SRGAP2B: variants seen among roughly 807,000 people sequenced by gnomAD.
SRGAP2B encodes SLIT-ROBO Rho GTPase-activating protein 2B.
In SRGAP2B, 9 loss-of-function variants were observed where a neutral mutation model predicts 22.2. That is an observed-to-expected ratio of 0.41 (90% CI 0.24 to 0.71). SRGAP2B has a LOEUF of 0.71. SRGAP2B is among the 30% of genes least tolerant of loss of function. SRGAP2B has a pLI of 0.35. For missense variants in SRGAP2B, 114 were observed against 235.8 expected, an observed-to-expected ratio of 0.48 and a Z score of 3.38; for synonymous variants, 36 against 87.4, an observed-to-expected ratio of 0.41 and a Z score of 3.28.
intron 3 of SRGAP2B, chr1:144,965,220 G>T (rs1553611990): frequency 1.2e-6 from 1 of 806,860 alleles, no homozygotes; most frequent in African/African-American, 1.8e-5. Context: ...CGACACAGAA[G>T]ACGGGTGATT....
chr1:144,930,876 A>G (rs1393600925), intron 4 of SRGAP2B, among the ~76,000 whole-genome samples: 2 of 149,688 alleles, frequency 1.3e-5, no homozygotes, highest in Non-Finnish European at 2.9e-5. Flanking sequence ...CAGAAATAGC[A>G]GCAATATTTT....
intron 2 of SRGAP2B, among the ~76,000 whole-genome samples, chr1:145,047,165 G>C (rs1405912629): frequency 4.8e-5 from 5 of 103,824 alleles, no homozygotes; most frequent in Admixed American, 2.3e-4. Context: ...AACAGAGCAA[G>C]ACTCTGTCTC....
chr1:145,029,960 ATAT>A (rs1317465943), intron 2 of SRGAP2B, among the ~76,000 whole-genome samples: 6 of 133,078 alleles, frequency 4.5e-5, no homozygotes, highest in African/African-American at 1.8e-4. Context: ...TAAGCCTGTC[ATAT>A]TATTTTATAT....
At chr1:145,084,759 TG>T (rs1410740541) in intron 2 of SRGAP2B, among the ~76,000 whole-genome samples, 1 of 151,652 alleles carries the variant, frequency 6.6e-6, no homozygotes, top group Non-Finnish European at 1.5e-5. Context: ...CTTAGAAAGT[TG>T]GTCTGTATTT....
intron 4 of SRGAP2B, among the ~76,000 whole-genome samples, chr1:144,928,413 T>TTATC (rs1168243084): frequency 1.0e-4 from 12 of 120,340 alleles, no homozygotes; most frequent in Non-Finnish European, 3.8e-5. Context: ...GGTTATTTAT[T>TTATC]TATTTATTTA....
chr1:144,975,905 G>A (rs1325637272), intron 3 of SRGAP2B, among the ~76,000 whole-genome samples: 7 of 130,708 alleles, frequency 5.4e-5, no homozygotes, highest in East Asian at 2.1e-4. Flanking sequence ...ATGGAGTCTC[G>A]GTCTGTCACC....
rs1482146953 is a variant in SRGAP2B at position 144,911,961 on chromosome 1, T to C, written c.486+2731A>G. On this transcript the variant is annotated intron_variant, in intron 5 of 9. Transcript: ENST00000612199. ...TTTTTTTCCTTTTTCTTTTTTTTTT[T>C]TTTTTTTGAGACAGAGTCTCGCTCT... Among the ~76,000 whole-genome samples, 108 of 135,708 alleles carry C rather than the reference T, an allele frequency of 8.0e-4. 3 individuals carry two copies. The highest frequency in any genetic ancestry group is 3.0e-3 in the African/African-American group (100 of 33,258). The allele number at this position is 135,708 out of a possible 152,430, so 89.0% of individuals were successfully genotyped here.
intron 4 of SRGAP2B, among the ~76,000 whole-genome samples, chr1:144,925,646 A>G: frequency 7.1e-6 from 1 of 140,470 alleles, no homozygotes; most frequent in East Asian, 2.0e-4. Context: ...TCAGAAAAAA[A>G]AAAAAAAAGA....
chr1:144,930,754 T>C (rs1246194269), intron 4 of SRGAP2B, among the ~76,000 whole-genome samples: 3 of 148,694 alleles, frequency 2.0e-5, no homozygotes, highest in African/African-American at 7.6e-5. Context: ...ACGCTGTTCA[T>C]TTCTCCTTCA....
At chr1:145,002,659 A>C (rs1553620172) in intron 2 of SRGAP2B, among the ~76,000 whole-genome samples, 1 of 150,806 alleles carries the variant, frequency 6.6e-6, no homozygotes, top group Non-Finnish European at 1.5e-5. Flanking sequence ...GGATAAACTG[A>C]GGATTTCTGA....
chr1:145,036,171 C>A (rs2039736), intron 2 of SRGAP2B, among the ~76,000 whole-genome samples: 15 of 131,656 alleles, frequency 1.1e-4, no homozygotes, highest in African/African-American at 2.1e-4. Context: ...ATACAGCAAG[C>A]AAGATTTCAT....
chr1:145,036,300 C>A (rs1376320348), intron 2 of SRGAP2B, among the ~76,000 whole-genome samples: 2 of 143,580 alleles, frequency 1.4e-5, no homozygotes, highest in Non-Finnish European at 3.0e-5. Flanking sequence ...GCAACTAACA[C>A]CTTCCTCCAA....
chr1:145,069,287 C>T (rs1651877294), intron 2 of SRGAP2B, among the ~76,000 whole-genome samples: 1 of 145,594 alleles, frequency 6.9e-6, no homozygotes, highest in East Asian at 2.0e-4. Context: ...ATCCTGCAGC[C>T]CCTTCCTTCT....
chr1:144,971,154 G>A (rs1668485625), intron 3 of SRGAP2B, among the ~76,000 whole-genome samples: 1 of 148,022 alleles, frequency 6.8e-6, no homozygotes, highest in South Asian at 2.1e-4. Flanking sequence ...TTTTGAGACG[G>A]AGTTTCACTC....
chr1:145,016,955 T>TTTTG (rs781961698), intron 2 of SRGAP2B, among the ~76,000 whole-genome samples: 2 of 142,838 alleles, frequency 1.4e-5, no homozygotes, highest in African/African-American at 5.4e-5. Flanking sequence ...TTCAAGTTTT[T>TTTTG]TTTGTTTGTT....
intron 1 of SRGAP2B, among the ~76,000 whole-genome samples, chr1:145,094,321 G>T (rs1654257637): frequency 7.2e-5 from 1 of 13,866 alleles, no homozygotes. Context: ...GGAGCGCGGA[G>T]CCCGGCGACT....
chr1:144,996,193 A>C (rs1040631), intron 2 of SRGAP2B, among the ~76,000 whole-genome samples: 1 of 150,896 alleles, frequency 6.6e-6, no homozygotes, highest in African/African-American at 2.5e-5. Flanking sequence ...AAGCAGTATG[A>C]CAAAGCCAGA....
intron 2 of SRGAP2B, among the ~76,000 whole-genome samples, chr1:145,030,432 G>A (rs1648143646): frequency 7.1e-6 from 1 of 141,158 alleles, no homozygotes. Context: ...CCATCATTCT[G>A]AGCAAACTAT....
rs1406759777 is a variant in SRGAP2B, at chr1:144,912,342, C to T, written c.486+2350G>A. On this transcript the variant is annotated intron_variant, in intron 5 of 9. Coordinates refer to ENST00000612199, the Ensembl canonical transcript of SRGAP2B. Reference sequence around the variant, plus strand: ...GTATAACTCACCCAACTACTCCACCCCCTAGGATATAGAAATACCAGTGCA... The same window carrying T: ...GTATAACTCACCCAACTACTCCACCTCCTAGGATATAGAAATACCAGTGCA... Among the ~76,000 whole-genome samples, 4 of 149,800 alleles carry T rather than the reference C, an allele frequency of 2.7e-5. 1 individual carries two copies. The highest frequency in any genetic ancestry group is 1.0e-4 in the African/African-American group (4 of 39,586).
Sources: allele counts gnomAD v4.1 joint callset (sites outside exome capture counted in the v4.1 genomes callset), GRCh38; gene constraint gnomAD v4.1.1; transcripts MANE v1.5; gene names NCBI Gene and HGNC (gene_info 2026-07-23, HGNC 2026-07-21).